The following DDHD1 variants were observed in gnomAD, a reference collection of about 807,000 sequenced individuals.
The protein encoded by DDHD1 is DDHD domain containing 1.
In DDHD1, 49 loss-of-function variants were observed where a neutral mutation model predicts 96.4. That is an observed-to-expected ratio of 0.51 (90% CI 0.40 to 0.64). DDHD1 has a LOEUF of 0.64. DDHD1 is among the 30% of genes least tolerant of loss of function. DDHD1 has a pLI of 0.00. For synonymous variants in DDHD1, 442 were observed against 446.5 expected (o/e 0.99, Z 0.13); for missense variants, 1,106 against 1,161.2 (o/e 0.95, Z 0.69).
At position 53,043,974 on chromosome 14, in the gene DDHD1, TA is replaced by T. The variant is rs1425488095; in HGVS notation, c.*2793del. The T allele has an allele frequency of 6.6e-6, 1 of 152,160 alleles. No homozygotes were observed. The highest frequency in any genetic ancestry group is 1.5e-5 in the Non-Finnish European group (1 of 68,014). 9.4% of individuals were successfully genotyped at this position (152,160 alleles called of 1,614,324 possible). On this transcript the variant is annotated 3_prime_UTR_variant, in exon 13 of 13. Transcript: ENST00000673822. The stretch of plus-strand genomic sequence containing the variant: ...CATAGCATGTACACAAAATAGAGAA[TA>T]AAATTTTAATGGTATCAAAAACAAA...
At chr14:53,132,146 GCTCCCCACTA>G in intron 1 of DDHD1, among the ~76,000 whole-genome samples, 1 of 152,024 alleles carries the variant, frequency 6.6e-6, no homozygotes, top group African/African-American at 2.4e-5. Context: ...CCTAAAAGCT[GCTCCCCACTA>G]GCTCTCCCTA....
chr14:53,101,374 G>A (rs1301342157), intron 2 of DDHD1, among the ~76,000 whole-genome samples: 2 of 151,912 alleles, frequency 1.3e-5, no homozygotes, highest in African/African-American at 4.8e-5. Flanking sequence ...TAAAAATAAA[G>A]TGACCAAAAA....
rs776947891 is a variant in DDHD1 at position 53,152,718 on chromosome 14, C to A, written c.381G>T (p.Pro127=). 2.6e-5 allele frequency: 42 copies of A among 1,605,634 alleles called. No homozygotes were observed. The highest frequency in any genetic ancestry group is 3.3e-5 in the Non-Finnish European group (39 of 1,176,040). Residue 127 remains proline, a synonymous_variant, in exon 1 of 13, where the codon CCG becomes CCT. Coordinates refer to ENST00000673822, the MANE Select transcript of DDHD1 (RefSeq NM_001160148.2). ...TCGCGCCGCCGCCCCCCGAGTTCGT[C>A]GGGACCAGCGGAGGCTGCTGCGGCG... ...LHPPQQPPLV[P]TNSGGGGATG... is the part of the protein sequence containing the mutation.
At chr14:53,126,885 A>G (rs141609098) in intron 1 of DDHD1, among the ~76,000 whole-genome samples, 1 of 152,330 alleles carries the variant, frequency 6.6e-6, no homozygotes, top group African/African-American at 2.4e-5. Context: ...AACAAATGTC[A>G]GACTGTCAAA....
Position 53,152,774 on chromosome 14 carries a change from CGCT to C in DDHD1, c.322_324del (p.Ser108del). 6.2e-7 allele frequency: 1 copy of C among 1,604,274 alleles called. No homozygotes were observed. The highest frequency in any genetic ancestry group is 8.5e-7 in the Non-Finnish European group (1 of 1,176,522). On this transcript the variant is annotated inframe_deletion, in exon 1 of 13. Transcript: ENST00000673822. ...AGCGACAAGGAGCTGCCGCCGCCGC[CGCT>C]CTCACCCTCGCTGTAGTAGCGCAGC...
chr14:53,071,257 T>A (rs1269680709), intron 6 of DDHD1, among the ~76,000 whole-genome samples: 1 of 152,108 alleles, frequency 6.6e-6, no homozygotes, highest in Non-Finnish European at 1.5e-5. Flanking sequence ...TTCTACTGCA[T>A]GGTTTTTAGA....
chr14:53,093,482 A>G lies in DDHD1; in HGVS notation c.1013-38T>C, dbSNP rs1337568631. ...GGAAAAGCTAATTTGAAGGTCTCCA[A>G]GACAAACTTTATTTGTTTGAAGAAT... On this transcript the variant is annotated intron_variant, in intron 2 of 12. Coordinates refer to ENST00000673822, the MANE Select transcript of DDHD1 (RefSeq NM_001160148.2). 5 of 1,592,314 alleles carry G rather than the reference A, an allele frequency of 3.1e-6. No individual in the cohort carries two copies. The Admixed American group carries it at 9.3e-5, about 29-fold the overall frequency.
chr14:53,046,874 G>A lies in DDHD1; in HGVS notation c.2597C>T (p.Ser866Leu). Residue 866 changes from serine (S) to leucine (L), a missense_variant, in exon 13 of 13, where the codon TCG (serine) becomes TTG (leucine). By Grantham distance (145) the Ser-to-Leu change is moderately radical. This residue lies in a region of DDHD1 where 650 missense variants were observed against 758.8 expected (regional missense o/e 0.86). Coordinates refer to ENST00000673822, the MANE Select transcript of DDHD1 (RefSeq NM_001160148.2). ...VESRYWSAVT[S>L]HTAYWSSLDV... is the part of the protein sequence containing the mutation. ...CAAGGATGACCAATAGGCAGTATGC[G>A]ACGTGACAGCTGACCAATAGCGGCT... 6.2e-7 allele frequency: 1 copy of A among 1,613,816 alleles called. No individual in the cohort carries two copies. The highest frequency in any genetic ancestry group is 1.3e-5 in the African/African-American group (1 of 75,022).
intron 1 of DDHD1, among the ~76,000 whole-genome samples, chr14:53,137,566 T>C (rs989150401): frequency 2.0e-5 from 3 of 152,170 alleles, no homozygotes; most frequent in South Asian, 2.1e-4. Context: ...CACTCCAGCC[T>C]GGGTGACACA....
chr14:53,153,214 C>A lies in DDHD1; in HGVS notation c.-116G>T. On this transcript the variant is annotated 5_prime_UTR_variant, in exon 1 of 13. Coordinates refer to ENST00000673822, the MANE Select transcript of DDHD1 (RefSeq NM_001160148.2). ...CCGAAGTTTCTAATCTTTCAAATCC[C>A]GACCCGAGCTGCGGCGGCAGCGGCG... is the stretch of plus-strand genomic sequence containing the variant. 1.0e-6 allele frequency: 1 copy of A among 968,584 alleles called. No homozygotes were observed. The highest frequency in any genetic ancestry group is 1.4e-6 in the Non-Finnish European group (1 of 724,022). 60.0% of individuals were successfully genotyped at this position (968,584 alleles called of 1,614,324 possible). A position where few individuals can be genotyped will look rare whatever the true frequency, so the allele number is the denominator to read the frequency against.
chr14:53,152,113 GCTCCC>G, intron 1 of DDHD1, 143 bp downstream of exon 1: 32 of 833,654 alleles, frequency 3.8e-5, no homozygotes, highest in South Asian at 1.4e-4. Flanking sequence ...AGCTGCCGAC[GCTCCC>G]TGCTCAATCT....
chr14:53,128,338 A>ACTT (rs1889609675), intron 1 of DDHD1, among the ~76,000 whole-genome samples: 1 of 152,168 alleles, frequency 6.6e-6, no homozygotes, highest in Non-Finnish European at 1.5e-5. Flanking sequence ...AACAATGGAA[A>ACTT]CTTATGTCTC....
chr14:53,136,923 A>G (rs1198820622), intron 1 of DDHD1, among the ~76,000 whole-genome samples: 2 of 152,234 alleles, frequency 1.3e-5, no homozygotes, highest in Non-Finnish European at 2.9e-5. Context: ...AAGCATGAAA[A>G]TTCAACACAT....
chr14:53,049,335 T>C (rs915807176), intron 12 of DDHD1, among the ~76,000 whole-genome samples: 1 of 152,200 alleles, frequency 6.6e-6, no homozygotes, highest in African/African-American at 2.4e-5. Context: ...TCGTCCTCCC[T>C]GAAAAGGTTT....
At chr14:53,050,816 A>G (rs1350282254) in intron 12 of DDHD1, among the ~76,000 whole-genome samples, 1 of 152,126 alleles carries the variant, frequency 6.6e-6, no homozygotes, top group Non-Finnish European at 1.5e-5. Context: ...AGGTTTAACT[A>G]CTTAGGTAGC....
At chr14:53,145,931 G>A (rs1332319740) in intron 1 of DDHD1, among the ~76,000 whole-genome samples, 7 of 152,208 alleles carry the variant, frequency 4.6e-5, no homozygotes, top group Non-Finnish European at 7.3e-5. Flanking sequence ...AATGGGCAGG[G>A]TATGGTGGCT....
chr14:53,094,655 CAAT>C (rs528508593), intron 2 of DDHD1, among the ~76,000 whole-genome samples: 142 of 150,020 alleles, frequency 9.5e-4, no homozygotes, highest in African/African-American at 3.3e-3. Flanking sequence ...GCCTGGGCAA[CAAT>C]AATGAGACCC....
In DDHD1 at chr14:53,153,267, C is replaced by T. The variant is rs1959356; in HGVS notation, c.-169G>A. The T allele has an allele frequency of 0.81, 399,420 of 494,538 alleles. 165,754 individuals are homozygous for T. Among genetic ancestry groups the T allele is most frequent in the East Asian group, 0.95 (26,334 of 27,772 alleles). 30.6% of individuals were successfully genotyped at this position (494,538 alleles called of 1,614,324 possible). A position where few individuals can be genotyped will look rare whatever the true frequency, so the allele number is the denominator to read the frequency against. ...CGCTCCGCCCCCACGAGACCCGCAG[C>T]CGCCGCAGCTGCGTTCTGCCGCCGG... is the stretch of plus-strand genomic sequence containing the variant. On this transcript the variant is annotated 5_prime_UTR_variant, in exon 1 of 13. Transcript: ENST00000673822.
At chr14:53,065,750 G>A (rs1460978675) in intron 6 of DDHD1, among the ~76,000 whole-genome samples, 2 of 152,166 alleles carry the variant, frequency 1.3e-5, no homozygotes, top group African/African-American at 4.8e-5. Context: ...TAGCATCCCT[G>A]AGAAGTGGTC....
Sources: allele counts gnomAD v4.1 joint callset (sites outside exome capture counted in the v4.1 genomes callset), GRCh38; gene constraint gnomAD v4.1.1; regional missense constraint gnomAD v4.1.1; transcripts MANE v1.5; gene names NCBI Gene and HGNC (gene_info 2026-07-23, HGNC 2026-07-21).